The following FAM78A variants were observed in gnomAD, a reference collection of about 807,000 sequenced individuals.
FAM78A encodes family with sequence similarity 78 member A.
In FAM78A, 12 loss-of-function variants were observed where a neutral mutation model predicts 22.6. The ratio of observed to expected loss-of-function variants is 0.53; its 90% CI spans 0.34 to 0.86. The LOEUF is 0.86. Among genes scored for constraint, FAM78A ranks in the 40% least tolerant of loss-of-function variants. FAM78A has a pLI of 0.02. For missense variants in FAM78A, 322 were observed against 396.1 expected, an observed-to-expected ratio of 0.81 and a Z score of 1.59; for synonymous variants, 151 against 155.8, an observed-to-expected ratio of 0.97 and a Z score of 0.23.
In FAM78A at chr9:131,261,144, A is replaced by G. The variant is rs1835261455; in HGVS notation, c.530T>C (p.Val177Ala). 6.2e-7 allele frequency: 1 copy of G among 1,614,010 alleles called. No homozygotes were observed. The highest frequency in any genetic ancestry group is 2.2e-5 in the East Asian group (1 of 44,852). The change falls in exon 2 of 2, where the codon GTG becomes GCG. Residue 177 changes from valine to alanine, a missense_variant. Coordinates refer to ENST00000372271, the MANE Select transcript of FAM78A (RefSeq NM_033387.4). This position sits in a 1 kb window ranked among gnomAD's most constrained non-coding sequence, Gnocchi z 7.1. ...CCGGTAGATATTGGTGAGCTTGGCCACGTTGCTCTCGCTGACGGGCACGGC... is the reference window on the plus strand; with the variant it reads ...CCGGTAGATATTGGTGAGCTTGGCCGCGTTGCTCTCGCTGACGGGCACGGC... Reference protein sequence around the residue: ...TWAVPVSESNVAKLTNIYRDQ... With the variant: ...TWAVPVSESNAAKLTNIYRDQ...
At chr9:131,277,394 C>T (rs944539872), upstream of FAM78A, among the ~76,000 whole-genome samples, 3 of 151,976 alleles carry the variant, frequency 2.0e-5, no homozygotes, top group African/African-American at 7.2e-5. The surrounding 1 kb of genome is among the most constrained non-coding windows in gnomAD (Gnocchi z 8.4). Flanking sequence ...CCTCGGCCCT[C>T]GGAGGGCATA....
In FAM78A at chr9:131,260,397, AATCGGCAGCAGTGTGG is replaced by A; in HGVS notation, c.*409_*424del. The A allele has an allele frequency of 6.1e-6, 1 of 164,540 alleles. No individual in the cohort carries two copies. Among genetic ancestry groups the A allele is most frequent in the Non-Finnish European group, 1.3e-5 (1 of 76,512 alleles). 10.2% of individuals were successfully genotyped at this position (164,540 alleles called of 1,614,324 possible). A position where few individuals can be genotyped will look rare whatever the true frequency, so the allele number is the denominator to read the frequency against. On this transcript the variant is annotated 3_prime_UTR_variant, in exon 2 of 2. Transcript: ENST00000372271. The surrounding 1 kb of genome is among the most constrained non-coding windows in gnomAD (Gnocchi z 5.4). Reference sequence around the variant, plus strand: ...GGGGGGAAGGCCGGCCAGCGCCACAAATCGGCAGCAGTGTGGATCTGTCTCTTTGATCGGGGGCTGG... The same window carrying A: ...GGGGGGAAGGCCGGCCAGCGCCACAAATCTGTCTCTTTGATCGGGGGCTGG...
Position 131,260,857 on chromosome 9 carries a change from G to A in FAM78A, c.817C>T (p.Gln273Ter). The change falls in exon 2 of 2, where the codon CAG becomes TAG. Residue 273 changes from glutamine (Q) to a stop codon, truncating the protein, a stop_gained. Transcript: ENST00000372271. LOFTEE classifies it high-confidence loss of function. This position sits in a 1 kb window ranked among gnomAD's most constrained non-coding sequence, Gnocchi z 5.4. ...TTGGGCGGGATCACCACCAGCGGCT[G>A]CCCGTACTTGGGCCGCCACATGAGG... ...QVLMWRPKYG[Q>*]PLVVIPPKHR 6.5e-7 allele frequency: 1 copy of A among 1,527,452 alleles called. No homozygotes were observed. The highest frequency in any genetic ancestry group is 8.8e-7 in the Non-Finnish European group (1 of 1,136,884). 94.6% of individuals were successfully genotyped at this position (1,527,452 alleles called of 1,614,324 possible).
In FAM78A at chr9:131,274,359, G is replaced by C. The variant is rs1049917467; in HGVS notation, c.323+1498C>G. ...AACTGTCCCGATGCCTTCAAAGCCC[G>C]AGGAGGTTTCTGGGCTTAAGCGTTC... On this transcript the variant is annotated intron_variant, in intron 1 of 1. Transcript: ENST00000372271. The surrounding 1 kb of genome is among the most constrained non-coding windows in gnomAD (Gnocchi z 4.2). 1.3e-5 allele frequency among the ~76,000 whole-genome samples: 2 copies of C among 152,242 alleles called. No homozygotes were observed. The highest frequency in any genetic ancestry group is 2.4e-5 in the African/African-American group (1 of 41,452).
chr9:131,275,280 A>C lies in FAM78A; in HGVS notation c.323+577T>G, dbSNP rs1835468111. Among the ~76,000 whole-genome samples the C allele has an allele frequency of 6.6e-6, 1 of 152,226 alleles. No homozygotes were observed. The highest frequency in any genetic ancestry group is 2.1e-4 in the South Asian group (1 of 4,830). On this transcript the variant is annotated intron_variant, in intron 1 of 1. Coordinates refer to ENST00000372271, the MANE Select transcript of FAM78A (RefSeq NM_033387.4). The surrounding 1 kb of genome is among the most constrained non-coding windows in gnomAD (Gnocchi z 4.6). Reference sequence around the variant, plus strand: ...AGACAGAAAGCGATACACTGTGAAGAAATCGGGCTTCTAAAACTAACTGTG... The same window carrying C: ...AGACAGAAAGCGATACACTGTGAAGCAATCGGGCTTCTAAAACTAACTGTG...
upstream of FAM78A, among the ~76,000 whole-genome samples, chr9:131,277,621 T>C (rs1564240702): frequency 6.6e-6 from 1 of 151,500 alleles, no homozygotes; most frequent in Non-Finnish European, 1.5e-5. The surrounding 1 kb of genome is among the most constrained non-coding windows in gnomAD (Gnocchi z 8.4). Flanking sequence ...GGGCACGTTC[T>C]TGGGGCGCCC....
chr9:131,260,981 C>A lies in FAM78A; in HGVS notation c.693G>T (p.Leu231=). Residue 231 remains leucine (L), a synonymous_variant, in exon 2 of 2, where the codon CTG becomes CTT. Transcript: ENST00000372271. This position sits in a 1 kb window ranked among gnomAD's most constrained non-coding sequence, Gnocchi z 5.4. ...PNRPLGQRAR[L]REPIAQDQPK... ...GCTGGTCCTGGGCGATGGGCTCCCG[C>A]AGCCGGGCGCGCTGGCCCAGGGGCC... 3 of 1,613,186 alleles carry A rather than the reference C, an allele frequency of 1.9e-6. No homozygotes were observed. The highest frequency in any genetic ancestry group is 2.5e-6 in the Non-Finnish European group (3 of 1,179,624).
intron 1 of FAM78A, chr9:131,270,215 G>A (rs570359688): frequency 6.2e-5 from 44 of 710,924 alleles, no homozygotes; most frequent in African/African-American, 4.9e-4. Context: ...TCAAAAACAA[G>A]TACAACCACC....
In FAM78A at chr9:131,272,803, T is replaced by A. The variant is rs1835436509; in HGVS notation, c.323+3054A>T. On this transcript the variant is annotated intron_variant, in intron 1 of 1. Coordinates refer to ENST00000372271, the MANE Select transcript of FAM78A (RefSeq NM_033387.4). The surrounding 1 kb of genome is among the most constrained non-coding windows in gnomAD (Gnocchi z 4.1). Reference sequence around the variant, plus strand: ...AAAATTAGCTGGGCATGGTGGCGCATGCCTGTAATCCCAGCTACTCTGGAG... The same window carrying A: ...AAAATTAGCTGGGCATGGTGGCGCAAGCCTGTAATCCCAGCTACTCTGGAG... 6.6e-6 allele frequency among the ~76,000 whole-genome samples: 1 copy of A among 152,082 alleles called. No homozygotes were observed. The highest frequency in any genetic ancestry group is 2.4e-5 in the African/African-American group (1 of 41,392).
rs974369839 is a variant in FAM78A at position 131,275,537 on chromosome 9, C to T, written c.323+320G>A. ...ATGGCACAGACACTCCTCAGGCGGA[C>T]GGCACACTTGCTCTGCCAGGAAACA... On this transcript the variant is annotated intron_variant, in intron 1 of 1. Coordinates refer to ENST00000372271, the MANE Select transcript of FAM78A (RefSeq NM_033387.4). The surrounding 1 kb of genome is among the most constrained non-coding windows in gnomAD (Gnocchi z 4.6). Among the ~76,000 whole-genome samples the T allele has an allele frequency of 2.0e-5, 3 of 152,202 alleles. No individual in the cohort carries two copies. Among genetic ancestry groups the T allele is most frequent in the African/African-American group, 7.2e-5 (3 of 41,450 alleles).
intron 1 of FAM78A, among the ~76,000 whole-genome samples, chr9:131,267,868 AC>A (rs1289785992): frequency 6.6e-6 from 1 of 151,828 alleles, no homozygotes; most frequent in African/African-American, 2.4e-5. Context: ...ACACGGTGAA[AC>A]CCCGTCTCTA....
chr9:131,280,256 G>A (rs1489907518), upstream of FAM78A, among the ~76,000 whole-genome samples: 1 of 152,146 alleles, frequency 6.6e-6, no homozygotes, highest in Non-Finnish European at 1.5e-5. Context: ...GGGTTCTGGT[G>A]GCTTCCCCAG....
At chr9:131,262,113 G>C (rs1835278503) in intron 1 of FAM78A, among the ~76,000 whole-genome samples, 1 of 150,986 alleles carries the variant, frequency 6.6e-6, no homozygotes, top group Admixed American at 6.6e-5. Context: ...GGATCATGAG[G>C]TCAGGAGTTT....
chr9:131,261,666 G>C lies in FAM78A; in HGVS notation c.324-316C>G, dbSNP rs1835272092. On this transcript the variant is annotated intron_variant, in intron 1 of 1. Transcript: ENST00000372271. This position sits in a 1 kb window ranked among gnomAD's most constrained non-coding sequence, Gnocchi z 7.1. The stretch of plus-strand genomic sequence containing the variant: ...ATCTGGGAGCCCACCCCAGACTGTA[G>C]GGGCCCCTTACTTTAACATTACAGG... 6.6e-6 allele frequency among the ~76,000 whole-genome samples: 1 copy of C among 152,146 alleles called. No homozygotes were observed. The highest frequency in any genetic ancestry group is 1.5e-5 in the Non-Finnish European group (1 of 68,002).
chr9:131,262,649 A>C (rs1044454152), intron 1 of FAM78A: 2 of 152,154 alleles, frequency 1.3e-5, no homozygotes, highest in Admixed American at 1.3e-4. Context: ...CCAAGTGTCC[A>C]ACGACAGATA....
At chr9:131,267,783 C>T (rs530486356) in intron 1 of FAM78A, among the ~76,000 whole-genome samples, 5 of 150,602 alleles carry the variant, frequency 3.3e-5, no homozygotes, top group Admixed American at 2.0e-4. Context: ...CGGTGGCTCA[C>T]GCCTGTAATC....
chr9:131,270,671 G>T (rs1394605957), intron 1 of FAM78A: 2 of 607,614 alleles, frequency 3.3e-6, no homozygotes. Context: ...CCGCCTTCCG[G>T]TTACAGAGAG....
In FAM78A at chr9:131,272,388, G is replaced by A. The variant is rs765231357; in HGVS notation, c.323+3469C>T. Among the ~76,000 whole-genome samples the A allele has an allele frequency of 2.0e-5, 3 of 152,184 alleles. No homozygotes were observed. The highest frequency in any genetic ancestry group is 4.4e-5 in the Non-Finnish European group (3 of 68,036). Reference sequence around the variant, plus strand: ...GACATTATTGACTGTCACAGCTTGCGGGGATGTGCTCCTGGCATGGAGTGG... The same window carrying A: ...GACATTATTGACTGTCACAGCTTGCAGGGATGTGCTCCTGGCATGGAGTGG... On this transcript the variant is annotated intron_variant, in intron 1 of 1. Coordinates refer to ENST00000372271, the MANE Select transcript of FAM78A (RefSeq NM_033387.4). This position sits in a 1 kb window ranked among gnomAD's most constrained non-coding sequence, Gnocchi z 4.1.
At chr9:131,277,881 C>G (rs1393452720), upstream of FAM78A, among the ~76,000 whole-genome samples, 1 of 151,182 alleles carries the variant, frequency 6.6e-6, no homozygotes, top group Admixed American at 6.6e-5. This position sits in a 1 kb window ranked among gnomAD's most constrained non-coding sequence, Gnocchi z 8.4. Flanking sequence ...CTGCCTCGCT[C>G]TGCTGCAGCA....
Sources: gnomAD v4.1 joint callset for allele counts (sites outside exome capture counted in the v4.1 genomes callset) on GRCh38, gnomAD v4.1.1 for gene constraint, Gnocchi (gnomAD v3.1) non-coding constraint, MANE v1.5 for transcripts, NCBI Gene and HGNC (gene_info 2026-07-23, HGNC 2026-07-21) for gene names.